ARB2A: variants seen among roughly 807,000 people sequenced by gnomAD.
The protein encoded by ARB2A is ARB2 cotranscriptional regulator A.
At chr5:93,986,291 G>A in the ARB2A span, among the ~76,000 whole-genome samples, 11 of 150,256 alleles carry the variant, frequency 7.3e-5, no homozygotes, top group Non-Finnish European at 1.5e-4. Context: ...GGTGGGGGGC[G>A]CCCCCGCCCA....
the ARB2A span, among the ~76,000 whole-genome samples, chr5:93,827,599 C>A: frequency 2.9e-3 from 440 of 151,922 alleles, 2 homozygotes; most frequent in Non-Finnish European, 5.1e-3. Flanking sequence ...TCTTTAGTTT[C>A]ATTAGATCCC....
At chr5:93,881,544 T>C in the ARB2A span, 1 of 1,611,010 alleles carries the variant, frequency 6.2e-7, no homozygotes, top group South Asian at 1.1e-5. Context: ...CGTCGCTTCT[T>C]TGTTTCTTTA....
the ARB2A span, chr5:93,740,663 C>A: frequency 4.3e-6 from 7 of 1,613,790 alleles, no homozygotes; most frequent in African/African-American, 6.7e-5. Flanking sequence ...TGGGGGATAT[C>A]CACTGGGAGC....
At chr5:94,067,105 T>C in the ARB2A span, among the ~76,000 whole-genome samples, 1 of 152,172 alleles carries the variant, frequency 6.6e-6, no homozygotes, top group Non-Finnish European at 1.5e-5. Flanking sequence ...ATCATCTCAG[T>C]AGATGCAGTG....
chr5:94,065,067 A>G, the ARB2A span, among the ~76,000 whole-genome samples: 8 of 152,390 alleles, frequency 5.2e-5, no homozygotes, highest in South Asian at 1.2e-3. Flanking sequence ...AAGCCCTCGC[A>G]TATCAATAAT....
At chr5:93,764,108 A>T in the ARB2A span, among the ~76,000 whole-genome samples, 1 of 152,228 alleles carries the variant, frequency 6.6e-6, no homozygotes, top group East Asian at 1.9e-4. Context: ...CAAGATCTAA[A>T]ATTGACACCC....
chr5:94,018,658 G>A, the ARB2A span, among the ~76,000 whole-genome samples: 1 of 152,026 alleles, frequency 6.6e-6, no homozygotes, highest in Admixed American at 6.6e-5. Context: ...AGTTCTCCTT[G>A]AAGAGGTCCT....
the ARB2A span, among the ~76,000 whole-genome samples, chr5:93,950,949 A>AAAT: frequency 1.1e-4 from 16 of 147,778 alleles, no homozygotes; most frequent in South Asian, 8.5e-4. Flanking sequence ...GTCTCAAAAA[A>AAAT]AAAAAAAAAT....
chr5:93,764,428 C>T, the ARB2A span, among the ~76,000 whole-genome samples: 1 of 152,140 alleles, frequency 6.6e-6, no homozygotes, highest in South Asian at 2.1e-4. Context: ...CACCTCTATG[C>T]AAATAAACTA....
At chr5:94,067,132 T>C in the ARB2A span, among the ~76,000 whole-genome samples, 322 of 152,218 alleles carry the variant, frequency 2.1e-3, no homozygotes, top group Non-Finnish European at 3.6e-3. Context: ...TTTGATAAAA[T>C]TCAACAACCT....
chr5:93,882,560 TAAG>T, the ARB2A span, among the ~76,000 whole-genome samples: 1 of 151,146 alleles, frequency 6.6e-6, no homozygotes, highest in Non-Finnish European at 1.5e-5. Flanking sequence ...TGGTTATAAT[TAAG>T]AAAACGTTTG....
chr5:94,079,920 T>C, the ARB2A span, among the ~76,000 whole-genome samples: 2 of 152,170 alleles, frequency 1.3e-5, no homozygotes, highest in Non-Finnish European at 2.9e-5. Context: ...TGTTTAGGTA[T>C]TGCATTGCTT....
At chr5:93,852,440 C>CAGA in the ARB2A span, among the ~76,000 whole-genome samples, 1 of 152,144 alleles carries the variant, frequency 6.6e-6, no homozygotes, top group Admixed American at 6.5e-5. Context: ...CTTTGCTATG[C>CAGA]AGAAGCTCTT....
chr5:93,818,618 T>G, the ARB2A span, among the ~76,000 whole-genome samples: 32 of 152,192 alleles, frequency 2.1e-4, no homozygotes, highest in Non-Finnish European at 3.4e-4. Context: ...AGGATATTAT[T>G]ATGATGATAA....
chr5:94,048,051 C>CTTTTTT, the ARB2A span, among the ~76,000 whole-genome samples: 195 of 96,072 alleles, frequency 2.0e-3, 1 homozygote, highest in East Asian at 2.5e-3. Flanking sequence ...AATCGGTAAG[C>CTTTTTT]TTTTTTTTTT....
At chr5:93,918,572 C>T in the ARB2A span, among the ~76,000 whole-genome samples, 3 of 151,760 alleles carry the variant, frequency 2.0e-5, no homozygotes, top group Non-Finnish European at 4.4e-5. Flanking sequence ...CAAGCACCCG[C>T]CATCATGCCC....
At chr5:93,958,436 T>G in the ARB2A span, among the ~76,000 whole-genome samples, 6 of 152,102 alleles carry the variant, frequency 3.9e-5, no homozygotes, top group African/African-American at 1.4e-4. Flanking sequence ...TTATTTTCAA[T>G]AATGTTGATA....
At chr5:93,868,550 T>C in the ARB2A span, among the ~76,000 whole-genome samples, 2 of 152,142 alleles carry the variant, frequency 1.3e-5, no homozygotes, top group African/African-American at 4.8e-5. Context: ...AAGTTACCTA[T>C]AGACAAGCTG....
At chr5:94,054,347 G>A in the ARB2A span, among the ~76,000 whole-genome samples, 1 of 152,086 alleles carries the variant, frequency 6.6e-6, no homozygotes, top group Non-Finnish European at 1.5e-5. Context: ...TGTGGTCTGT[G>A]ATAATTCTCA....
Sources: allele counts gnomAD v4.1 joint callset (sites outside exome capture counted in the v4.1 genomes callset), GRCh38; gene constraint gnomAD v4.1.1; transcripts MANE v1.5; gene names NCBI Gene and HGNC (gene_info 2026-07-23, HGNC 2026-07-21).